The following BMERB1 variants were observed in gnomAD, a reference collection of about 807,000 sequenced individuals.
The protein encoded by BMERB1 is bMERB domain containing 1, also known as bMERB domain-containing protein 1.
Under a neutral mutation model 23.6 loss-of-function variants are expected in BMERB1, and 12 were observed. The ratio of observed to expected loss-of-function variants is 0.51; its 90% CI spans 0.33 to 0.82. BMERB1 has a LOEUF of 0.82. BMERB1 is among the 40% of genes least tolerant of loss of function. The pLI is 0.03. For synonymous variants in BMERB1, 122 were observed against 96.6 expected (o/e 1.26, Z -1.54); for missense variants, 247 against 255.4 (o/e 0.97, Z 0.22).
chr16:15,464,488 T>C (rs1251898738), intron 1 of BMERB1, among the ~76,000 whole-genome samples: 1 of 152,072 alleles, frequency 6.6e-6, no homozygotes, highest in African/African-American at 2.4e-5. Flanking sequence ...ACTAAAAAAA[T>C]GGCTTCTCTG....
intron 2 of BMERB1, among the ~76,000 whole-genome samples, chr16:15,519,074 T>TACACACACACAC (rs145892599): frequency 0.013 from 1,846 of 140,554 alleles, 20 homozygotes; most frequent in Middle Eastern, 0.024. Flanking sequence ...ACAATCCTCT[T>TACACACACACAC]ACACACACAC....
intron 1 of BMERB1, among the ~76,000 whole-genome samples, chr16:15,474,746 T>G (rs895650935): frequency 1.3e-5 from 2 of 151,880 alleles, no homozygotes; most frequent in Admixed American, 6.6e-5. Context: ...TGGAGTGCAA[T>G]GGTATGATCT....
chr16:15,489,497 C>G (rs1430687924), intron 1 of BMERB1, among the ~76,000 whole-genome samples: 1 of 152,112 alleles, frequency 6.6e-6, no homozygotes, highest in Non-Finnish European at 1.5e-5. Flanking sequence ...CAAGCCCAGT[C>G]CCACATCGAG....
At chr16:15,501,544 G>A (rs1036657235) in intron 1 of BMERB1, among the ~76,000 whole-genome samples, 8 of 151,942 alleles carry the variant, frequency 5.3e-5, no homozygotes, top group Non-Finnish European at 7.4e-5. Context: ...GCACGATCTC[G>A]GCTCACTGCA....
chr16:15,481,158 G>A (rs2051317665), intron 1 of BMERB1, among the ~76,000 whole-genome samples: 1 of 152,008 alleles, frequency 6.6e-6, no homozygotes, highest in Non-Finnish European at 1.5e-5. Flanking sequence ...ATATTAAGTA[G>A]AAAGTCACCA....
Position 15,434,663 on chromosome 16 carries a change from A to T in BMERB1, c.10A>T (p.Lys4Ter). 6.2e-7 allele frequency: 1 copy of T among 1,613,948 alleles called. No individual in the cohort carries two copies. The highest frequency in any genetic ancestry group is 1.3e-5 in the African/African-American group (1 of 75,032). Residue 4 changes from lysine to a stop codon, truncating the protein, a stop_gained, in exon 1 of 6, where the codon AAG becomes TAG. Coordinates refer to ENST00000300006, the MANE Select transcript of BMERB1 (RefSeq NM_033201.3). LOFTEE classifies it high-confidence loss of function. Reference sequence around the variant, plus strand: ...GCCACGGGGATCAGCGATGGAATTAAAGCAATCTTTGTCCACCCATCTGGA... The same window carrying T: ...GCCACGGGGATCAGCGATGGAATTATAGCAATCTTTGTCCACCCATCTGGA... MEL[K>*]QSLSTHLEAE... is the part of the protein sequence containing the mutation.
chr16:15,464,177 G>A (rs1357702437), intron 1 of BMERB1, among the ~76,000 whole-genome samples: 1 of 151,894 alleles, frequency 6.6e-6, no homozygotes, highest in Admixed American at 6.6e-5. Context: ...GCCAGGTGTG[G>A]TGGTGGGCGA....
At chr16:15,438,679 C>T (rs192679231) in intron 1 of BMERB1, among the ~76,000 whole-genome samples, 14 of 152,216 alleles carry the variant, frequency 9.2e-5, no homozygotes, top group Admixed American at 2.0e-4. Flanking sequence ...AGGCTGGTCT[C>T]GAACTCCTGG....
intron 3 of BMERB1, among the ~76,000 whole-genome samples, chr16:15,577,710 G>C (rs1355732880): frequency 2.6e-5 from 4 of 152,204 alleles, no homozygotes; most frequent in Non-Finnish European, 1.5e-5. Flanking sequence ...TTTCCCTCAG[G>C]GCAGGTTGTG....
intron 1 of BMERB1, among the ~76,000 whole-genome samples, chr16:15,467,996 T>C (rs2051196017): frequency 6.6e-6 from 1 of 152,106 alleles, no homozygotes; most frequent in Admixed American, 6.6e-5. Context: ...ATGTCTGGGT[T>C]AAGATAAGGG....
chr16:15,464,167 G>A (rs1364575642), intron 1 of BMERB1, among the ~76,000 whole-genome samples: 6 of 151,964 alleles, frequency 3.9e-5, no homozygotes, highest in African/African-American at 7.2e-5. Flanking sequence ...ACAAAAATTA[G>A]CCAGGTGTGG....
At chr16:15,444,119 C>CTTTTTTTTTTTTTTTT (rs1225982061) in intron 1 of BMERB1, among the ~76,000 whole-genome samples, 5 of 24,456 alleles carry the variant, frequency 2.0e-4, no homozygotes, top group South Asian at 1.3e-3. Context: ...CAGGCACCAG[C>CTTTTTTTTTTTTTTTT]TTTGTTTTTT....
At chr16:15,451,480 G>A (rs1050568465) in intron 1 of BMERB1, among the ~76,000 whole-genome samples, 2 of 151,564 alleles carry the variant, frequency 1.3e-5, no homozygotes, top group African/African-American at 2.4e-5. Flanking sequence ...ACCATGCCCG[G>A]CCTATTTTGT....
chr16:15,455,167 T>C (rs553681904), intron 1 of BMERB1, among the ~76,000 whole-genome samples: 3 of 151,730 alleles, frequency 2.0e-5, no homozygotes, highest in African/African-American at 4.8e-5. Flanking sequence ...CTACTAAAGA[T>C]ACAGACATTA....
chr16:15,522,691 G>A lies in BMERB1; in HGVS notation c.230+7263G>A, dbSNP rs141412772. On this transcript the variant is annotated intron_variant, in intron 2 of 5. Transcript: ENST00000300006. ...TCTAAGTCCAGATGAAATGGGAAAA[G>A]TTCCCTTGTCCCCCTCGCAGGGTGT... Among the ~76,000 whole-genome samples the A allele has an allele frequency of 1.8e-3, 278 of 152,246 alleles. 2 individuals are homozygous for A. Among genetic ancestry groups the A allele is most frequent in the Middle Eastern group, 0.017 (5 of 294 alleles).
At position 15,586,890 on chromosome 16, in the gene BMERB1, C is replaced by G. The variant is rs919987473; in HGVS notation, c.*61C>G. Reference sequence around the variant, plus strand: ...CCCCCACCCTCTTGTCTTTATAGCCCCCATTTCACCGGGGCCCAAGAGCTC... The same window carrying G: ...CCCCCACCCTCTTGTCTTTATAGCCGCCATTTCACCGGGGCCCAAGAGCTC... On this transcript the variant is annotated 3_prime_UTR_variant, in exon 6 of 6. Coordinates refer to ENST00000300006, the MANE Select transcript of BMERB1 (RefSeq NM_033201.3). The G allele has an allele frequency of 1.7e-5, 19 of 1,101,888 alleles. No homozygotes were observed. Among genetic ancestry groups the G allele is most frequent in the Non-Finnish European group, 2.3e-5 (18 of 766,784 alleles). The allele number at this position is 1,101,888 out of a possible 1,614,324, so 68.3% of individuals were successfully genotyped here.
intron 1 of BMERB1, among the ~76,000 whole-genome samples, chr16:15,470,277 CATTG>C (rs754937743): frequency 2.0e-5 from 3 of 152,020 alleles, no homozygotes; most frequent in Admixed American, 6.6e-5. Flanking sequence ...GTGGATCACA[CATTG>C]ATTGATTTTC....
intron 1 of BMERB1, among the ~76,000 whole-genome samples, chr16:15,458,686 C>T (rs1043020029): frequency 1.4e-5 from 2 of 146,798 alleles, no homozygotes; most frequent in South Asian, 2.2e-4. Context: ...CACTGCACTC[C>T]AGCCTGGGCA....
intron 1 of BMERB1, among the ~76,000 whole-genome samples, chr16:15,499,585 G>C (rs2051507588): frequency 6.6e-6 from 1 of 152,092 alleles, no homozygotes; most frequent in South Asian, 2.1e-4. Context: ...TGGTTCACGA[G>C]AGGGGAAGGA....
Sources: allele counts gnomAD v4.1 joint callset (sites outside exome capture counted in the v4.1 genomes callset), GRCh38; gene constraint gnomAD v4.1.1; transcripts MANE v1.5; gene names NCBI Gene and HGNC (gene_info 2026-07-23, HGNC 2026-07-21).